The following FCHSD2 variants were observed in gnomAD, a reference collection of about 807,000 sequenced individuals.
FCHSD2 encodes F-BAR and double SH3 domains protein 2.
In FCHSD2, 38 loss-of-function variants were observed where a neutral mutation model predicts 108.1. The observed-to-expected ratio is 0.35, with a 90% confidence interval of 0.27 to 0.46. The LOEUF is 0.46. FCHSD2 is among the 20% of genes least tolerant of loss of function. The pLI is 1.00. For synonymous variants in FCHSD2, 279 were observed against 314.7 expected, an observed-to-expected ratio of 0.89 and a Z score of 1.20; for missense variants, 751 against 897.8, an observed-to-expected ratio of 0.84 and a Z score of 2.09.
intron 8 of FCHSD2, among the ~76,000 whole-genome samples, chr11:72,959,140 C>A (rs573098949): frequency 6.7e-6 from 1 of 148,310 alleles, no homozygotes; most frequent in Non-Finnish European, 1.5e-5. Context: ...ATGATTCTGT[C>A]AATACTCTTT....
intron 9 of FCHSD2, among the ~76,000 whole-genome samples, chr11:72,914,963 A>ATTTTTTTT (rs144998272): frequency 3.3e-5 from 4 of 120,466 alleles, no homozygotes; most frequent in African/African-American, 6.4e-5. Context: ...CAGAATGGGA[A>ATTTTTTTT]TTTTTTTTTT....
At chr11:73,056,991 G>A (rs554388603) in intron 3 of FCHSD2, among the ~76,000 whole-genome samples, 3 of 152,142 alleles carry the variant, frequency 2.0e-5, no homozygotes, top group Non-Finnish European at 4.4e-5. Flanking sequence ...ACTGAGGCAG[G>A]AGAATGGCGT....
At chr11:73,059,263 T>C (rs763364048) in intron 3 of FCHSD2, among the ~76,000 whole-genome samples, 12 of 152,130 alleles carry the variant, frequency 7.9e-5, no homozygotes, top group Non-Finnish European at 1.8e-4. Flanking sequence ...AACTACGGTT[T>C]ATTTACCCTC....
intron 13 of FCHSD2, among the ~76,000 whole-genome samples, chr11:72,866,261 GT>G (rs1854719513): frequency 7.0e-5 from 3 of 42,862 alleles, no homozygotes; most frequent in Non-Finnish European, 1.2e-4. Flanking sequence ...TCTGTTTTTT[GT>G]TTTGTTTTGT....
At chr11:73,040,089 T>C (rs900965109) in intron 3 of FCHSD2, among the ~76,000 whole-genome samples, 4 of 152,200 alleles carry the variant, frequency 2.6e-5, no homozygotes, top group African/African-American at 9.7e-5. Flanking sequence ...AAATTATCCA[T>C]TACTCAGAAA....
At chr11:72,996,912 C>T (rs184080953) in intron 5 of FCHSD2, among the ~76,000 whole-genome samples, 2 of 152,266 alleles carry the variant, frequency 1.3e-5, no homozygotes, top group East Asian at 3.9e-4. Context: ...TTCCTTAGGG[C>T]ATTTGTTGAA....
intron 3 of FCHSD2, among the ~76,000 whole-genome samples, chr11:73,059,548 TAAG>T (rs1859113371): frequency 6.6e-6 from 1 of 152,172 alleles, no homozygotes; most frequent in Non-Finnish European, 1.5e-5. Context: ...TGCCTTGTAC[TAAG>T]TTTATTTTGC....
intron 3 of FCHSD2, among the ~76,000 whole-genome samples, chr11:73,077,928 A>T (rs1244083346): frequency 6.6e-6 from 1 of 152,140 alleles, no homozygotes; most frequent in African/African-American, 2.4e-5. Flanking sequence ...CTATTTTTTT[A>T]AGTCAGTATA....
intron 8 of FCHSD2, among the ~76,000 whole-genome samples, chr11:72,982,084 A>G (rs777387658): frequency 2.6e-5 from 4 of 152,226 alleles, no homozygotes; most frequent in East Asian, 1.9e-4. Context: ...CCTTGTCTCT[A>G]TATTTTCTAA....
chr11:72,926,488 T>G (rs1856078746), intron 8 of FCHSD2, among the ~76,000 whole-genome samples: 1 of 151,928 alleles, frequency 6.6e-6, no homozygotes, highest in African/African-American at 2.4e-5. Flanking sequence ...AGAGACAACT[T>G]GCCAGCAGAG....
At chr11:72,870,283 T>A (rs1854825214) in intron 12 of FCHSD2, among the ~76,000 whole-genome samples, 1 of 152,236 alleles carries the variant, frequency 6.6e-6, no homozygotes, top group Non-Finnish European at 1.5e-5. Context: ...CACGAAATTA[T>A]ACTTAGCTAT....
intron 2 of FCHSD2, among the ~76,000 whole-genome samples, chr11:73,127,156 T>C (rs1435971559): frequency 6.6e-6 from 1 of 152,228 alleles, no homozygotes; most frequent in Admixed American, 6.5e-5. Context: ...CTCCAACTTG[T>C]TTCTGTGGAA....
At chr11:73,066,735 CTCA>C (rs989413392) in intron 3 of FCHSD2, among the ~76,000 whole-genome samples, 57 of 152,078 alleles carry the variant, frequency 3.7e-4, no homozygotes, top group African/African-American at 1.3e-3. Context: ...TGAAAAAATG[CTCA>C]TCATCATTGG....
intron 8 of FCHSD2, among the ~76,000 whole-genome samples, chr11:72,941,787 C>T (rs1053507043): frequency 2.0e-5 from 3 of 151,878 alleles, no homozygotes; most frequent in African/African-American, 4.8e-5. Context: ...ATCAGCTAGC[C>T]AAATGAAAAG....
intron 3 of FCHSD2, among the ~76,000 whole-genome samples, chr11:73,062,154 T>A (rs530234408): frequency 6.6e-6 from 1 of 152,108 alleles, no homozygotes; most frequent in Non-Finnish European, 1.5e-5. Flanking sequence ...CTGCTGATGA[T>A]ACCCAGGCAA....
At chr11:73,036,926 G>A (rs1858512351) in intron 3 of FCHSD2, among the ~76,000 whole-genome samples, 1 of 152,020 alleles carries the variant, frequency 6.6e-6, no homozygotes, top group Non-Finnish European at 1.5e-5. Context: ...CATTACAAAC[G>A]TTCATCTGTT....
At chr11:72,871,542 T>A (rs1266580813) in intron 12 of FCHSD2, among the ~76,000 whole-genome samples, 2 of 152,114 alleles carry the variant, frequency 1.3e-5, no homozygotes, top group Non-Finnish European at 2.9e-5. Flanking sequence ...TTAACCTAAG[T>A]AAAGTTCCAC....
Position 72,867,262 on chromosome 11 carries a change from A to G in FCHSD2, c.1308+603T>C, listed in dbSNP as rs115402459. Among the ~76,000 whole-genome samples, 1,252 of 152,292 alleles carry G rather than the reference A, an allele frequency of 8.2e-3. 19 individuals are homozygous for G. The highest frequency in any genetic ancestry group is 0.029 in the African/African-American group (1,203 of 41,554). ...AATCAACCGAATTTTTCTGGTACTT[A>G]GATCTCCAACATGAAAAACTAAGGT... On this transcript the variant is annotated intron_variant, in intron 13 of 19. Transcript: ENST00000409418.
intron 2 of FCHSD2, among the ~76,000 whole-genome samples, chr11:73,121,768 T>C (rs1860740108): frequency 6.6e-6 from 1 of 152,032 alleles, no homozygotes; most frequent in African/African-American, 2.4e-5. Context: ...CAAACTTTAA[T>C]ATATATGAGA....
Sources: gnomAD v4.1 joint callset for allele counts (sites outside exome capture counted in the v4.1 genomes callset) on GRCh38, gnomAD v4.1.1 for gene constraint, MANE v1.5 for transcripts, NCBI Gene and HGNC (gene_info 2026-07-23, HGNC 2026-07-21) for gene names.